APP: variants seen among roughly 807,000 people sequenced by gnomAD.
The protein encoded by APP is amyloid beta precursor protein, also known as amyloid-beta precursor protein.
In APP, 31 loss-of-function variants were observed where a neutral mutation model predicts 101.4. The ratio of observed to expected loss-of-function variants is 0.31; its 90% CI spans 0.23 to 0.41. The LOEUF is 0.41. Ranked by LOEUF, APP falls within the 10% of genes least tolerant of loss-of-function variation. The pLI is 1.00. For missense variants in APP, 839 were observed against 1,003.7 expected, an observed-to-expected ratio of 0.84 and a Z score of 2.22; for synonymous variants, 366 against 364.4, an observed-to-expected ratio of 1.00 and a Z score of -0.05.
intron 5 of APP, among the ~76,000 whole-genome samples, chr21:26,029,557 A>G (rs1383528218): frequency 2.0e-5 from 3 of 152,102 alleles, no homozygotes; most frequent in Non-Finnish European, 2.9e-5. Context: ...CAGGGGCCAA[A>G]GATAGCTCTC....
chr21:26,133,902 T>G (rs2062844211), intron 1 of APP, among the ~76,000 whole-genome samples: 1 of 152,214 alleles, frequency 6.6e-6, no homozygotes, highest in South Asian at 2.1e-4. Context: ...AGATAATACA[T>G]TTCTCTTCCT....
At chr21:26,134,840 A>G (rs985932411) in intron 1 of APP, among the ~76,000 whole-genome samples, 2 of 152,218 alleles carry the variant, frequency 1.3e-5, no homozygotes, top group African/African-American at 2.4e-5. Flanking sequence ...GCTAAATGTC[A>G]GGAAACATAT....
At chr21:25,911,192 G>A (rs1255361394) in intron 14 of APP, among the ~76,000 whole-genome samples, 2 of 152,148 alleles carry the variant, frequency 1.3e-5, no homozygotes, top group African/African-American at 2.4e-5. Context: ...ATGATATACA[G>A]TACATGCTCT....
intron 9 of APP, 132 bp from the exon 10 acceptor site, chr21:25,976,160 C>T: frequency 1.5e-6 from 1 of 681,262 alleles, no homozygotes; most frequent in Non-Finnish European, 2.6e-6. Context: ...TTACATACCC[C>T]TTCCTATCTG....
chr21:25,964,646 G>C (rs905623653), intron 11 of APP, among the ~76,000 whole-genome samples: 1 of 105,336 alleles, frequency 9.5e-6, no homozygotes, highest in African/African-American at 3.6e-5. Flanking sequence ...TTTCACTCTT[G>C]TTATACAGGC....
chr21:26,100,063 G>A (rs979521824), intron 2 of APP, among the ~76,000 whole-genome samples: 5 of 152,158 alleles, frequency 3.3e-5, no homozygotes, highest in Non-Finnish European at 5.9e-5. Context: ...AATTGTGGGT[G>A]GGAGGGAAGA....
intron 3 of APP, among the ~76,000 whole-genome samples, chr21:26,053,977 A>C (rs1232899030): frequency 2.6e-5 from 4 of 152,246 alleles, no homozygotes; most frequent in Non-Finnish European, 5.9e-5. Context: ...TGAAGATATA[A>C]AGATATTACA....
At chr21:25,954,539 C>G (rs1254957497) in intron 13 of APP, 51 bp downstream of exon 13, 1 of 1,499,348 alleles carries the variant, frequency 6.7e-7, no homozygotes, top group Admixed American at 1.7e-5. Flanking sequence ...CAATTTTCCT[C>G]TGGGGGAAAA....
rs774518756 is a variant in APP, at chr21:25,881,712, G to A, written c.2271C>T (p.Tyr757=). Residue 757 remains tyrosine, a synonymous_variant, in exon 18 of 18, where the codon TAC becomes TAT. Coordinates refer to ENST00000346798, the MANE Select transcript of APP (RefSeq NM_000484.4). ...RHLSKMQQNG[Y]ENPTYKFFEQ... is the part of the protein sequence containing the mutation. ...CAAAGAACTTGTAGGTTGGATTTTC[G>A]TAGCCGTTCTGCTGCATCTTGGACA... The A allele has an allele frequency of 2.0e-5, 32 of 1,613,842 alleles. No individual in the cohort carries two copies. The highest frequency in any genetic ancestry group is 8.9e-5 in the East Asian group (4 of 44,896).
At chr21:26,139,677 G>A (rs1266743051) in intron 1 of APP, among the ~76,000 whole-genome samples, 5 of 152,126 alleles carry the variant, frequency 3.3e-5, no homozygotes, top group East Asian at 3.9e-4. Context: ...GGCAGATCAC[G>A]AGGTCAAGAG....
At chr21:26,088,623 T>C (rs1006778174) in intron 3 of APP, among the ~76,000 whole-genome samples, 2 of 152,234 alleles carry the variant, frequency 1.3e-5, no homozygotes, top group African/African-American at 4.8e-5. Flanking sequence ...TAAGTGAGTA[T>C]AAAATACACA....
At chr21:25,921,478 G>A (rs999659266) in intron 13 of APP, among the ~76,000 whole-genome samples, 7 of 148,280 alleles carry the variant, frequency 4.7e-5, no homozygotes, top group South Asian at 2.2e-4. Context: ...TTGATAGACC[G>A]CTAGCAAGAC....
chr21:25,959,891 T>C (rs975021033), intron 11 of APP, among the ~76,000 whole-genome samples: 5 of 152,238 alleles, frequency 3.3e-5, no homozygotes, highest in Admixed American at 6.5e-5. Context: ...TTTCAATTGC[T>C]GATCTCATTT....
chr21:26,026,101 G>C (rs529126228), intron 5 of APP, among the ~76,000 whole-genome samples: 32 of 152,290 alleles, frequency 2.1e-4, no homozygotes, highest in African/African-American at 7.7e-4. Flanking sequence ...GAGTTGCAAG[G>C]GAGGAACAGT....
chr21:25,940,224 C>T (rs926999819), intron 13 of APP, among the ~76,000 whole-genome samples: 1 of 152,086 alleles, frequency 6.6e-6, no homozygotes. Flanking sequence ...TACCCTTTAA[C>T]ATGATTTTAA....
intron 1 of APP, among the ~76,000 whole-genome samples, chr21:26,163,933 A>C (rs1400678962): frequency 6.6e-6 from 1 of 152,252 alleles, no homozygotes; most frequent in Non-Finnish European, 1.5e-5. Flanking sequence ...AACAGCCATA[A>C]CATGGCTGGT....
intron 17 of APP, 79 bp from the exon 18 acceptor site, chr21:25,881,850 A>G: frequency 7.2e-7 from 1 of 1,384,542 alleles, no homozygotes; most frequent in South Asian, 1.2e-5. Flanking sequence ...GTAAAAAGAT[A>G]AGGAGTACAG....
intron 5 of APP, among the ~76,000 whole-genome samples, chr21:26,034,638 C>CAAAAAAAAAAAAAAAAAAA (rs201287871): frequency 5.9e-5 from 1 of 17,094 alleles, no homozygotes. Flanking sequence ...CAAGACTTCT[C>CAAAAAAAAAAAAAAAAAAA]AAAAAAAAAA....
At chr21:26,055,250 A>G (rs2045994242) in intron 3 of APP, among the ~76,000 whole-genome samples, 1 of 152,100 alleles carries the variant, frequency 6.6e-6, no homozygotes, top group African/African-American at 2.4e-5. Flanking sequence ...TCTTTTATAA[A>G]CCTCACTTCC....
Sources: allele counts gnomAD v4.1 joint callset (sites outside exome capture counted in the v4.1 genomes callset), GRCh38; gene constraint gnomAD v4.1.1; transcripts MANE v1.5; gene names NCBI Gene and HGNC (gene_info 2026-07-23, HGNC 2026-07-21).